Variants in CFAP91 observed in about 807,000 individuals in gnomAD.
CFAP91 encodes the protein cilia- and flagella-associated protein 91.
In CFAP91, 85 loss-of-function variants were observed where a neutral mutation model predicts 95.9. The ratio of observed to expected loss-of-function variants is 0.89; its 90% CI spans 0.74 to 1.06. The LOEUF (loss-of-function observed/expected upper bound fraction) is 1.06. CFAP91 is among the 50% of genes least tolerant of loss of function. CFAP91 has a pLI of 0.00. For missense variants in CFAP91, 962 were observed against 943.4 expected (o/e 1.02, Z -0.26); for synonymous variants, 335 against 327.5 (o/e 1.02, Z -0.25).
rs564852657 is a variant in CFAP91, at chr3:119,743,434, G to A, written c.1681-541G>A. Among the ~76,000 whole-genome samples the A allele has an allele frequency of 3.0e-4, 45 of 152,152 alleles. 2 individuals are homozygous for A. Among genetic ancestry groups the A allele is most frequent in the South Asian group, 1.0e-3 (5 of 4,824 alleles). On this transcript the variant is annotated intron_variant, in intron 13 of 17. Coordinates refer to ENST00000273390, the MANE Select transcript of CFAP91 (RefSeq NM_033364.4). ...TGCCCAGCCATTCCTGTGCTATTTC[G>A]AATATTGTTGTTAATGACTTCAAAG...
At chr3:119,750,873 A>G (rs2054311543) in intron 16 of CFAP91, 64 bp from the exon 17 acceptor site, 1 of 1,584,686 alleles carries the variant, frequency 6.3e-7, no homozygotes, top group African/African-American at 1.3e-5. Flanking sequence ...GACTCTCTTG[A>G]AACATTTGGG....
At chr3:119,749,648 G>A (rs1318204728) in intron 16 of CFAP91, among the ~76,000 whole-genome samples, 1 of 152,146 alleles carries the variant, frequency 6.6e-6, no homozygotes, top group African/African-American at 2.4e-5. Context: ...AGTTGAATGA[G>A]TCCTTAGCCT....
intron 5 of CFAP91, among the ~76,000 whole-genome samples, chr3:119,711,218 T>C (rs1316295753): frequency 1.3e-5 from 2 of 152,208 alleles, no homozygotes; most frequent in African/African-American, 4.8e-5. Flanking sequence ...ACTGTGTGGA[T>C]GGCTTTGGCT....
chr3:119,747,827 T>G lies in CFAP91; in HGVS notation c.2068T>G (p.Ser690Ala). Residue 690 changes from serine to alanine, a missense_variant, in exon 16 of 18, where the codon TCA (serine) becomes GCA (alanine). By Grantham distance (99) the Ser-to-Ala change is moderately conservative. Transcript: ENST00000273390. ...EMESRRTYLQ[S>A]EEIVAELVYS... The stretch of plus-strand genomic sequence containing the variant: ...ATTTTTTAGCCGAACCTATCTTCAG[T>G]CAGAGGAGATTGTTGCTGAGTTGGT... 1 of 1,613,170 alleles carries G rather than the reference T, an allele frequency of 6.2e-7. No individual in the cohort carries two copies. The highest frequency in any genetic ancestry group is 8.5e-7 in the Non-Finnish European group (1 of 1,179,608).
intron 7 of CFAP91, among the ~76,000 whole-genome samples, chr3:119,728,143 G>A (rs1433905816): frequency 6.6e-6 from 1 of 151,424 alleles, no homozygotes; most frequent in Admixed American, 6.6e-5. Flanking sequence ...GATGACGAGT[G>A]GACTATAAGG....
intron 5 of CFAP91, among the ~76,000 whole-genome samples, chr3:119,714,115 C>A (rs2053527578): frequency 6.6e-6 from 1 of 151,966 alleles, no homozygotes; most frequent in Non-Finnish European, 1.5e-5. Flanking sequence ...GTAATCCCAG[C>A]ACTTTGGGAG....
intron 11 of CFAP91, among the ~76,000 whole-genome samples, chr3:119,738,330 G>GTTTTTTTT (rs1559761130): frequency 1.7e-3 from 41 of 23,732 alleles, no homozygotes; most frequent in Non-Finnish European, 3.8e-3. Flanking sequence ...TTGACATATT[G>GTTTTTTTT]TCTTTTTTTT....
intron 6 of CFAP91, among the ~76,000 whole-genome samples, chr3:119,719,005 TATG>T (rs1210157177): frequency 1.3e-5 from 2 of 152,120 alleles, no homozygotes; most frequent in African/African-American, 4.8e-5. Flanking sequence ...CAGCATTAAT[TATG>T]ATAACTCCAA....
chr3:119,765,119 C>T lies in CFAP91; in HGVS notation c.*69C>T, dbSNP rs978188238. 1 of 152,066 alleles carries T rather than the reference C, an allele frequency of 6.6e-6. No homozygotes were observed. Among genetic ancestry groups the T allele is most frequent in the Non-Finnish European group, 1.5e-5 (1 of 67,982 alleles). The allele number at this position is 152,066 out of a possible 1,614,324, so 9.4% of individuals were successfully genotyped here. ...ATAATTCCAATAGTCTGCACTTCTC[C>T]CAAGGTGTGCACTGCTCATAAACTT... On this transcript the variant is annotated 3_prime_UTR_variant, in exon 18 of 18. Transcript: ENST00000273390.
At chr3:119,717,829 C>A (rs1325795263) in intron 6 of CFAP91, among the ~76,000 whole-genome samples, 2 of 152,162 alleles carry the variant, frequency 1.3e-5, no homozygotes, top group African/African-American at 4.8e-5. Flanking sequence ...GAAGAAACAG[C>A]AGCATATAGT....
chr3:119,748,355 G>T (rs2054264027), intron 16 of CFAP91, among the ~76,000 whole-genome samples: 1 of 152,202 alleles, frequency 6.6e-6, no homozygotes, highest in African/African-American at 2.4e-5. Flanking sequence ...GCTTATTTCT[G>T]CTGGAACTCC....
intron 5 of CFAP91, among the ~76,000 whole-genome samples, chr3:119,710,926 T>G (rs2053460567): frequency 6.6e-6 from 1 of 151,088 alleles, no homozygotes; most frequent in South Asian, 2.1e-4. Flanking sequence ...AAAAATCTAA[T>G]TTTTGCTACA....
chr3:119,724,548 A>G (rs562980367), intron 6 of CFAP91, among the ~76,000 whole-genome samples: 5 of 152,266 alleles, frequency 3.3e-5, no homozygotes, highest in African/African-American at 1.2e-4. Context: ...ACATATATAC[A>G]CATACATATA....
chr3:119,742,496 T>A (rs2054140951), intron 13 of CFAP91, among the ~76,000 whole-genome samples: 1 of 152,224 alleles, frequency 6.6e-6, no homozygotes, highest in South Asian at 2.1e-4. Flanking sequence ...CCAGATTTCT[T>A]GCTGAGAGAA....
intron 10 of CFAP91, 138 bp downstream of exon 10, chr3:119,733,644 C>A: frequency 2.4e-6 from 2 of 838,406 alleles, no homozygotes; most frequent in East Asian, 2.6e-5. Flanking sequence ...TGAGGTTGCC[C>A]ATGCTGTGCT....
intron 6 of CFAP91, among the ~76,000 whole-genome samples, chr3:119,724,019 C>G (rs1327632237): frequency 6.6e-6 from 1 of 151,840 alleles, no homozygotes; most frequent in Admixed American, 6.6e-5. Context: ...AAAAAATGAG[C>G]CAGGCGTGGT....
chr3:119,718,820 A>G (rs193031911), intron 6 of CFAP91, among the ~76,000 whole-genome samples: 11 of 152,302 alleles, frequency 7.2e-5, no homozygotes, highest in Admixed American at 6.5e-4. Flanking sequence ...AAGAATATCT[A>G]TCTCATAGGA....
intron 5 of CFAP91, among the ~76,000 whole-genome samples, chr3:119,714,880 C>T (rs1451512938): frequency 6.6e-6 from 1 of 152,112 alleles, no homozygotes; most frequent in African/African-American, 2.4e-5. Flanking sequence ...TTAAAAAGAC[C>T]TTCACTCAAA....
intron 15 of CFAP91, 157 bp downstream of exon 15, chr3:119,747,420 A>T: frequency 3.5e-6 from 1 of 287,618 alleles, no homozygotes; most frequent in Non-Finnish European, 5.2e-6. Flanking sequence ...AGAAGCCAAT[A>T]TGTGTATGCC....
Sources: allele counts gnomAD v4.1 joint callset (sites outside exome capture counted in the v4.1 genomes callset), GRCh38; gene constraint gnomAD v4.1.1; transcripts MANE v1.5; gene names NCBI Gene and HGNC (gene_info 2026-07-23, HGNC 2026-07-21).